C12orf42: variants seen among roughly 807,000 people sequenced by gnomAD.
C12orf42 encodes the protein chromosome 12 open reading frame 42.
A neutral mutation model predicts 21.6 loss-of-function variants in C12orf42; 25 were observed. The observed-to-expected ratio is 1.16, with a 90% confidence interval of 0.84 to 1.62. The LOEUF (loss-of-function observed/expected upper bound fraction) is 1.62, where lower values mean the gene tolerates loss of function less well. Among genes scored for constraint, C12orf42 ranks in the 40% most tolerant of loss-of-function variants. C12orf42 has a pLI of 0.00. For synonymous variants in C12orf42, 174 were observed against 175.0 expected (o/e 0.99, Z 0.05); for missense variants, 483 against 459.3 (o/e 1.05, Z -0.47).
chr12:103,306,169 C>T lies in C12orf42; in HGVS notation c.436G>A (p.Ala146Thr), dbSNP rs78107859. 6.2e-7 allele frequency: 1 copy of T among 1,613,918 alleles called. No individual in the cohort carries two copies. The highest frequency in any genetic ancestry group is 1.7e-5 in the Admixed American group (1 of 59,976). ...ETDEAPLIFT[A>T]RGETEERARG... ...GCTCTCTCCTCAGTTTCTCCTCTGGCAGTAAAAATCAATGGGGCCTCATCA... is the reference window on the plus strand; with the variant it reads ...GCTCTCTCCTCAGTTTCTCCTCTGGTAGTAAAAATCAATGGGGCCTCATCA... The change falls in exon 5 of 6, where the codon GCC (alanine) becomes ACC (threonine). Residue 146 changes from alanine (A) to threonine (T), a missense_variant. Transcript: ENST00000548883.
chr12:103,494,395 A>G (rs562672724), intron 1 of C12orf42, among the ~76,000 whole-genome samples: 81 of 152,346 alleles, frequency 5.3e-4, no homozygotes, highest in African/African-American at 1.9e-3. Context: ...ATTAGTTTCG[A>G]CAGCTCTGTG....
chr12:103,168,318 A>G, the C12orf42 span: 9 of 295,436 alleles, frequency 3.0e-5, no homozygotes, highest in East Asian at 8.6e-4. Context: ...AATAACTGAC[A>G]TGCTACTTGA....
At chr12:103,234,853 A>G (rs79124514), downstream of C12orf42, among the ~76,000 whole-genome samples, 293 of 152,280 alleles carry the variant, frequency 1.9e-3, 5 homozygotes, top group East Asian at 0.05. Flanking sequence ...ACACTGCATG[A>G]TAATCTTCAT....
chr12:103,365,271 A>G (rs769892114), intron 4 of C12orf42, among the ~76,000 whole-genome samples: 3 of 152,030 alleles, frequency 2.0e-5, no homozygotes, highest in Admixed American at 6.6e-5. Flanking sequence ...ACAAAATCCA[A>G]TATCTCCTTA....
intron 2 of C12orf42, among the ~76,000 whole-genome samples, chr12:103,442,356 G>A (rs1419202606): frequency 1.3e-5 from 2 of 152,146 alleles, no homozygotes; most frequent in Non-Finnish European, 2.9e-5. Context: ...TGACAGTTCT[G>A]TGAACAATGA....
chr12:103,301,854 T>A, downstream of C12orf42: 1 of 465,392 alleles, frequency 2.1e-6, no homozygotes, highest in Non-Finnish European at 3.8e-6. Context: ...ATGTACCCCA[T>A]CCCTATTGTG....
At chr12:103,386,849 C>T (rs1360349833) in intron 3 of C12orf42, among the ~76,000 whole-genome samples, 1 of 152,190 alleles carries the variant, frequency 6.6e-6, no homozygotes, top group Non-Finnish European at 1.5e-5. Context: ...GCCCATGCAC[C>T]TGAACCCCAA....
At chr12:103,265,081 C>A (rs2035097062), downstream of C12orf42, among the ~76,000 whole-genome samples, 1 of 152,104 alleles carries the variant, frequency 6.6e-6, no homozygotes, top group Non-Finnish European at 1.5e-5. Flanking sequence ...TGCAGACTGC[C>A]AACTCCACAT....
rs199999047 is a variant in C12orf42 at position 103,483,163 on chromosome 12, TTATA to T, written c.-21-4720_-21-4717del. On this transcript the variant is annotated intron_variant, in intron 1 of 5. Transcript: ENST00000548883. ...TGAGCTTCTCATTTTAGTTTGAACC[TTATA>T]TGTAAAATTCCAAGCACCAAGAGTG... 7.7e-3 allele frequency among the ~76,000 whole-genome samples: 1,168 copies of T among 152,270 alleles called. 4 individuals carry two copies. Among genetic ancestry groups the T allele is most frequent in the Non-Finnish European group, 0.011 (776 of 68,014 alleles).
intron 4 of C12orf42, among the ~76,000 whole-genome samples, chr12:103,287,206 A>G (rs2136340823): frequency 6.6e-6 from 1 of 152,364 alleles, no homozygotes; most frequent in South Asian, 2.1e-4. Context: ...ATTACTGGGT[A>G]TATACCCAAA....
chr12:103,237,689 A>G (rs2033515347), exon 11 of C12orf42: 1 of 152,348 alleles, frequency 6.6e-6, no homozygotes, highest in East Asian at 1.9e-4. Context: ...TCCCCCATGC[A>G]TCTGTCAACA....
chr12:103,287,628 C>T (rs889371460), intron 4 of C12orf42, among the ~76,000 whole-genome samples: 4 of 151,464 alleles, frequency 2.6e-5, no homozygotes, highest in African/African-American at 9.7e-5. Context: ...ATGAGTGCAG[C>T]ACACCAACAT....
rs1593762916 is a variant in C12orf42, at chr12:103,389,493, T to C, written c.147+12114A>G. ...AATTGCTGCTTTATATTCTCTTTTCTACATATCTCTTATTGTGGTTCTGGA... is the reference window on the plus strand; with the variant it reads ...AATTGCTGCTTTATATTCTCTTTTCCACATATCTCTTATTGTGGTTCTGGA... On this transcript the variant is annotated intron_variant, in intron 3 of 5. Coordinates refer to ENST00000548883, the MANE Select transcript of C12orf42 (RefSeq NM_198521.5). Among the ~76,000 whole-genome samples the C allele has an allele frequency of 5.9e-5, 9 of 152,230 alleles. No homozygotes were observed. In the South Asian group the frequency reaches 1.9e-3, roughly 32 times the overall value.
chr12:103,131,607 AT>A, the C12orf42 span, among the ~76,000 whole-genome samples: 1 of 152,010 alleles, frequency 6.6e-6, no homozygotes, highest in Admixed American at 6.6e-5. Context: ...TGTTCTAAAT[AT>A]TTTTTTTCTC....
At chr12:103,313,444 G>A (rs2039157760) in intron 4 of C12orf42, among the ~76,000 whole-genome samples, 1 of 152,172 alleles carries the variant, frequency 6.6e-6, no homozygotes. Flanking sequence ...AGAGGTTGGA[G>A]GCCAAGAGCA....
chr12:103,053,130 G>T, the C12orf42 span, among the ~76,000 whole-genome samples: 4 of 151,830 alleles, frequency 2.6e-5, no homozygotes, highest in African/African-American at 9.7e-5. Flanking sequence ...TTTGCCCTTT[G>T]CATATCCATA....
Position 103,302,423 on chromosome 12 carries a change from T to C in C12orf42, c.768A>G (p.Ala256=). The change falls in exon 6 of 6, where the codon GCA becomes GCG. Residue 256 remains alanine (A), a synonymous_variant. Transcript: ENST00000548883. The part of the protein sequence containing the change: ...ERMAVPAGAQ[A]HPDDIQSRLL... Reference sequence around the variant, plus strand: ...GTCTGCTTTGGATGTCGTCGGGGTGTGCCTGAGCGCCTGCTGGGACTGCCA... The same window carrying C: ...GTCTGCTTTGGATGTCGTCGGGGTGCGCCTGAGCGCCTGCTGGGACTGCCA... 6.2e-7 allele frequency: 1 copy of C among 1,613,892 alleles called. No homozygotes were observed. Among genetic ancestry groups the C allele is most frequent in the Middle Eastern group, 1.7e-4 (1 of 6,060 alleles).
chr12:103,527,587 G>A, the C12orf42 span, among the ~76,000 whole-genome samples: 1 of 151,966 alleles, frequency 6.6e-6, no homozygotes, highest in African/African-American at 2.4e-5. Context: ...TTCCTTTCTG[G>A]TACTTCCTGT....
rs58157140 is a variant in C12orf42 at position 103,421,578 on chromosome 12, TATAAATAAATAAATAA to T, written c.79-19919_79-19904del. Among the ~76,000 whole-genome samples the T allele has an allele frequency of 4.2e-4, 62 of 147,296 alleles. 1 individual carries two copies. The highest frequency in any genetic ancestry group is 1.8e-3 in the Admixed American group (27 of 14,810). ...AACAGAGCAAGACCTTGTCAATAAA[TATAAATAAATAAATAA>T]ATAAATAAATAAATAAATAAATAAA... On this transcript the variant is annotated intron_variant, in intron 2 of 5. Coordinates refer to ENST00000548883, the MANE Select transcript of C12orf42 (RefSeq NM_198521.5).
Sources: allele counts gnomAD v4.1 joint callset (sites outside exome capture counted in the v4.1 genomes callset), GRCh38; gene constraint gnomAD v4.1.1; transcripts MANE v1.5; gene names NCBI Gene and HGNC (gene_info 2026-07-23, HGNC 2026-07-21).